Variants in CTNNA3 observed in about 807,000 individuals in gnomAD.
The protein encoded by CTNNA3 is catenin alpha-3.
In CTNNA3, 76 loss-of-function variants were observed where a neutral mutation model predicts 95.7. That is an observed-to-expected ratio of 0.79 (90% CI 0.66 to 0.96). The LOEUF is 0.96. Among genes scored for constraint, CTNNA3 ranks in the 40% least tolerant of loss-of-function variants. The pLI is 0.00. For missense variants in CTNNA3, 1,191 were observed against 1,089.8 expected (o/e 1.09, Z -1.31); for synonymous variants, 431 against 374.4 (o/e 1.15, Z -1.74).
At chr10:66,239,385 C>A (rs754724205) in intron 13 of CTNNA3, among the ~76,000 whole-genome samples, 1 of 151,894 alleles carries the variant, frequency 6.6e-6, no homozygotes, top group African/African-American at 2.4e-5. Flanking sequence ...CAATCTTCTG[C>A]TCCCCAGTCT....
At chr10:66,178,477 A>G (rs773621116) in intron 13 of CTNNA3, among the ~76,000 whole-genome samples, 111 of 9,046 alleles carry the variant, frequency 0.012, 1 homozygote, top group Non-Finnish European at 0.02. Context: ...AGGTACATAC[A>G]CAGACACACA....
intron 5 of CTNNA3, among the ~76,000 whole-genome samples, chr10:67,439,456 A>G (rs1001779539): frequency 6.6e-6 from 1 of 152,118 alleles, no homozygotes; most frequent in Non-Finnish European, 1.5e-5. Flanking sequence ...CCGGAGCAAG[A>G]GCAAGAGAGA....
intron 5 of CTNNA3, among the ~76,000 whole-genome samples, chr10:67,461,230 C>G (rs1847362040): frequency 6.6e-6 from 1 of 152,108 alleles, no homozygotes; most frequent in Non-Finnish European, 1.5e-5. Context: ...TGAGAGAACA[C>G]TGATATATTA....
chr10:66,648,276 C>T (rs963009675), intron 9 of CTNNA3, among the ~76,000 whole-genome samples: 5 of 152,068 alleles, frequency 3.3e-5, no homozygotes, highest in East Asian at 1.9e-4. Flanking sequence ...TTGCCCACAG[C>T]GGCTGATGCC....
intron 11 of CTNNA3, among the ~76,000 whole-genome samples, chr10:66,442,740 G>C (rs1282334706): frequency 6.6e-6 from 1 of 152,216 alleles, no homozygotes; most frequent in Non-Finnish European, 1.5e-5. Flanking sequence ...TGACGCAGAA[G>C]ATGGGTGATT....
chr10:67,749,718 C>G (rs1841394431), intron 1 of CTNNA3, among the ~76,000 whole-genome samples: 1 of 152,150 alleles, frequency 6.6e-6, no homozygotes, highest in African/African-American at 2.4e-5. Context: ...CAAGAAAGAT[C>G]TTGAATTGAC....
At chr10:65,938,765 G>A (rs978164743) in intron 17 of CTNNA3, among the ~76,000 whole-genome samples, 3 of 152,006 alleles carry the variant, frequency 2.0e-5, no homozygotes, top group African/African-American at 4.8e-5. Flanking sequence ...CCTTACCAAC[G>A]GTGTGTGTTA....
chr10:67,472,103 G>T (rs749464617), intron 5 of CTNNA3, among the ~76,000 whole-genome samples: 10 of 152,178 alleles, frequency 6.6e-5, no homozygotes, highest in Non-Finnish European at 1.2e-4. Flanking sequence ...GCTAGGCAAT[G>T]TGGCAAATGT....
At chr10:66,247,483 G>A (rs1279579714) in intron 13 of CTNNA3, among the ~76,000 whole-genome samples, 1 of 152,080 alleles carries the variant, frequency 6.6e-6, no homozygotes, top group Non-Finnish European at 1.5e-5. Context: ...CAATATTTAA[G>A]TACAATAGGG....
At chr10:67,088,461 A>G (rs530548163) in intron 7 of CTNNA3, among the ~76,000 whole-genome samples, 24 of 152,080 alleles carry the variant, frequency 1.6e-4, no homozygotes, top group South Asian at 4.1e-4. Context: ...CATCATTTAA[A>G]TAGTTAAGAT....
At chr10:67,596,604 C>A (rs1207236323) in intron 3 of CTNNA3, among the ~76,000 whole-genome samples, 1 of 152,204 alleles carries the variant, frequency 6.6e-6, no homozygotes, top group Non-Finnish European at 1.5e-5. Context: ...CCTGTAGTCT[C>A]TTCCAGATTC....
chr10:67,343,820 G>C (rs1455588820), intron 5 of CTNNA3, among the ~76,000 whole-genome samples: 1 of 151,404 alleles, frequency 6.6e-6, no homozygotes, highest in Non-Finnish European at 1.5e-5. Context: ...GAGCATCTTT[G>C]TGTGTTCCAG....
chr10:67,546,721 C>T (rs1161628090), intron 3 of CTNNA3, among the ~76,000 whole-genome samples: 1 of 152,178 alleles, frequency 6.6e-6, no homozygotes, highest in Non-Finnish European at 1.5e-5. Context: ...CACCAATAAA[C>T]ACTTTTATAT....
At chr10:66,088,909 G>C (rs1296462659) in intron 14 of CTNNA3, among the ~76,000 whole-genome samples, 4 of 152,018 alleles carry the variant, frequency 2.6e-5, no homozygotes, top group Non-Finnish European at 5.9e-5. Flanking sequence ...CTGTTGGCCA[G>C]GCGTGGAAAG....
In CTNNA3 at chr10:66,332,202, T is replaced by A. The variant is rs577538357; in HGVS notation, c.1732+46950A>T. ...CATGTCATCTGCAAACAGGGACAAT[T>A]TGACTTCCTCTTTTCCTAATTGAAT... On this transcript the variant is annotated intron_variant, in intron 12 of 17. Coordinates refer to ENST00000433211, the MANE Select transcript of CTNNA3 (RefSeq NM_013266.4). 7.5e-3 allele frequency among the ~76,000 whole-genome samples: 1,141 copies of A among 152,036 alleles called. 13 individuals are homozygous for A. Among genetic ancestry groups the A allele is most frequent in the African/African-American group, 0.026 (1,090 of 41,496 alleles).
At chr10:66,336,180 G>A (rs568320093) in intron 12 of CTNNA3, among the ~76,000 whole-genome samples, 3 of 151,934 alleles carry the variant, frequency 2.0e-5, no homozygotes, top group Non-Finnish European at 4.4e-5. Context: ...TGTGCTTCCC[G>A]GGTGAGGCAA....
At chr10:67,542,664 A>G (rs925857236) in intron 3 of CTNNA3, among the ~76,000 whole-genome samples, 2 of 152,036 alleles carry the variant, frequency 1.3e-5, no homozygotes, top group Non-Finnish European at 2.9e-5. Context: ...GGTTTCTGGT[A>G]CAGGCCTGTA....
At chr10:67,703,087 A>C (rs1841054211) in intron 1 of CTNNA3, among the ~76,000 whole-genome samples, 1 of 152,228 alleles carries the variant, frequency 6.6e-6, no homozygotes, top group Admixed American at 6.5e-5. Flanking sequence ...AAGAAGTTGA[A>C]TCTTTGAATA....
At chr10:66,603,754 A>T (rs1231649717) in intron 10 of CTNNA3, among the ~76,000 whole-genome samples, 13 of 152,158 alleles carry the variant, frequency 8.5e-5, no homozygotes, top group Non-Finnish European at 2.9e-5. Context: ...GGAACAGAAT[A>T]GAGAATACAG....
Sources: allele counts gnomAD v4.1 joint callset (sites outside exome capture counted in the v4.1 genomes callset), GRCh38; gene constraint gnomAD v4.1.1; transcripts MANE v1.5; gene names NCBI Gene and HGNC (gene_info 2026-07-23, HGNC 2026-07-21).